Variants in TMEM205 observed in about 807,000 individuals in gnomAD.
TMEM205 encodes the protein MBC3205.
In TMEM205, 11 loss-of-function variants were observed where a neutral mutation model predicts 17.9. The ratio of observed to expected loss-of-function variants is 0.61; its 90% confidence interval spans 0.39 to 1.02. The LOEUF is 1.02. Ranked by LOEUF, TMEM205 falls within the 50% of genes least tolerant of loss-of-function variation. The probability of loss-of-function intolerance (pLI) is 0.01; values close to 1 mark genes in which losing one functional copy is unlikely to be tolerated. For synonymous variants in TMEM205, 86 were observed against 97.4 expected (o/e 0.88, Z 0.69); for missense variants, 236 against 239.4 (o/e 0.99, Z 0.09).
In TMEM205 at chr19:11,345,543, T is replaced by G; in HGVS notation, c.77A>C (p.Gln26Pro). 6.2e-7 allele frequency: 1 copy of G among 1,614,110 alleles called. No individual in the cohort carries two copies. The highest frequency in any genetic ancestry group is 8.5e-7 in the Non-Finnish European group (1 of 1,180,010). The change falls in exon 1 of 3, where the codon CAA (glutamine) becomes CCA (proline). Residue 26 changes from glutamine to proline, a missense_variant. Coordinates refer to ENST00000354882, the MANE Select transcript of TMEM205 (RefSeq NM_198536.3). Reference sequence around the variant, plus strand: ...ACCTGAGACGAAGGTCACCCACATTTGCATGCCCCAGGCACCTGACAAGAC... The same window carrying G: ...ACCTGAGACGAAGGTCACCCACATTGGCATGCCCCAGGCACCTGACAAGAC... ...LLVLSGAWGM[Q>P]MWVTFVSGFL...
Position 11,345,641 on chromosome 19 carries a change from C to T in TMEM205, c.-22G>A. Reference sequence around the variant, plus strand: ...CCATCTTGCAGTCCTGGGAAGGAGGCACCGGGTGGCTCAGAACTTTACCTT... The same window carrying T: ...CCATCTTGCAGTCCTGGGAAGGAGGTACCGGGTGGCTCAGAACTTTACCTT... On this transcript the variant is annotated 5_prime_UTR_variant, in exon 1 of 3. Transcript: ENST00000354882. 1 of 1,613,414 alleles carries T rather than the reference C, an allele frequency of 6.2e-7. No homozygotes were observed. Among genetic ancestry groups the T allele is most frequent in the Non-Finnish European group, 8.5e-7 (1 of 1,179,764 alleles).
Position 11,343,089 on chromosome 19 carries a change from G to A in TMEM205, c.296C>T (p.Ala99Val), listed in dbSNP as rs139646413. The A allele has an allele frequency of 6.2e-7, 1 of 1,613,474 alleles. No individual in the cohort carries two copies. The highest frequency in any genetic ancestry group is 1.3e-5 in the African/African-American group (1 of 75,030). Residue 99 changes from alanine to valine, a missense_variant, in exon 3 of 3, where the codon GCC becomes GTC. Transcript: ENST00000354882. ...LYLLFLSLTL[A>V]TVNARWLEPR... ...TTCCAGCCAGCGGGCGTTGACAGTG[G>A]CCAGCGTAAGGCTCAGGAACAGCAG... is the stretch of plus-strand genomic sequence containing the variant.
intron 2 of TMEM205, 87 bp downstream of exon 2, chr19:11,345,165 C>T (rs966023465): frequency 5.9e-5 from 75 of 1,279,032 alleles, no homozygotes; most frequent in Admixed American, 9.8e-5. Flanking sequence ...CTTTTTTTTT[C>T]CCCCCCTGGA....
At position 11,343,095 on chromosome 19, in the gene TMEM205, G is replaced by A. The variant is rs201767859; in HGVS notation, c.290C>T (p.Thr97Met). The change falls in exon 3 of 3, where the codon ACG becomes ATG. Residue 97 changes from threonine (T) to methionine (M), a missense_variant. Physicochemically the swap from Thr to Met is moderately conservative, Grantham distance 81. Coordinates refer to ENST00000354882, the MANE Select transcript of TMEM205 (RefSeq NM_198536.3). ...SQLYLLFLSL[T>M]LATVNARWLE... ...CCAGCGGGCGTTGACAGTGGCCAGC[G>A]TAAGGCTCAGGAACAGCAGGTAAAG... The A allele has an allele frequency of 7.7e-5, 124 of 1,612,522 alleles. No individual in the cohort carries two copies. Among genetic ancestry groups the A allele is most frequent in the Admixed American group, 5.2e-4 (31 of 59,952 alleles).
At position 11,345,590 on chromosome 19, in the gene TMEM205, C is replaced by G; in HGVS notation, c.30G>C (p.Leu10=). 6.2e-7 allele frequency: 1 copy of G among 1,614,044 alleles called. No homozygotes were observed. Among genetic ancestry groups the G allele is most frequent in the South Asian group, 1.1e-5 (1 of 91,086 alleles). MEEGGNLGG[L]IKMVHLLVLS... is the part of the protein sequence containing the mutation. ...AGACCAGTAGATGGACCATCTTAAT[C>G]AGGCCTCCTAGGTTCCCGCCTTCCT... Residue 10 remains leucine (L), a synonymous_variant, in exon 1 of 3, where the codon CTG becomes CTC. Coordinates refer to ENST00000354882, the MANE Select transcript of TMEM205 (RefSeq NM_198536.3).
At chr19:11,343,232 G>A (rs1568304957) in intron 2 of TMEM205, 112 bp from the exon 3 acceptor site, 1 of 1,162,416 alleles carries the variant, frequency 8.6e-7, no homozygotes, top group Non-Finnish European at 1.2e-6. Context: ...GGACAGCACT[G>A]GATCAAAAAA....
In TMEM205 at chr19:11,342,955, G is replaced by C. The variant is rs981627228; in HGVS notation, c.430C>G (p.Arg144Gly). The change falls in exon 3 of 3, where the codon CGA becomes GGA. Residue 144 changes from arginine to glycine, a missense_variant. By Grantham distance (125) the Arg-to-Gly change is moderately radical. Coordinates refer to ENST00000354882, the MANE Select transcript of TMEM205 (RefSeq NM_198536.3). ...GCACTGTACTTGGGGTCCTTCTCTC[G>C]CAGCTGGCGGTAGGGATCGGGACCC... ...HQGPDPYRQL[R>G]EKDPKYSALR... The C allele has an allele frequency of 6.2e-7, 1 of 1,614,054 alleles. No individual in the cohort carries two copies. The highest frequency in any genetic ancestry group is 8.5e-7 in the Non-Finnish European group (1 of 1,180,032).
intron 2 of TMEM205, 97 bp downstream of exon 2, chr19:11,345,155 C>CT (rs576069019): frequency 5.6e-4 from 754 of 1,340,492 alleles, no homozygotes; most frequent in Non-Finnish European, 6.3e-4. Flanking sequence ...CATGCCTAGC[C>CT]TTTTTTTTTC....
rs1967172140 is a variant in TMEM205 at position 11,345,571 on chromosome 19, G to T, written c.49C>A (p.Leu17Met). 3.7e-6 allele frequency: 6 copies of T among 1,614,114 alleles called. No individual in the cohort carries two copies. In the East Asian group the frequency reaches 1.3e-4, roughly 36 times the overall value. Residue 17 changes from leucine to methionine, a missense_variant, in exon 1 of 3, where the codon CTG (leucine) becomes ATG (methionine). Leu to Met is a conservative substitution (Grantham distance 15). Coordinates refer to ENST00000354882, the MANE Select transcript of TMEM205 (RefSeq NM_198536.3). Reference protein sequence around the residue: ...LGGLIKMVHLLVLSGAWGMQM... With the variant: ...LGGLIKMVHLMVLSGAWGMQM... ...ATGCCCCAGGCACCTGACAAGACCA[G>T]TAGATGGACCATCTTAATCAGGCCT...
At chr19:11,345,496 G>C (rs756433061) in intron 1 of TMEM205, 24 bp downstream of exon 1, 1 of 1,613,976 alleles carries the variant, frequency 6.2e-7, no homozygotes, top group South Asian at 1.1e-5. Flanking sequence ...AGGTACCCAT[G>C]ACATCCAAGC....
At position 11,345,164 on chromosome 19, in the gene TMEM205, T is replaced by TCC. The variant is rs905156209; in HGVS notation, c.264+86_264+87dup. 15 of 1,398,462 alleles carry TCC rather than the reference T, an allele frequency of 1.1e-5. No individual in the cohort carries two copies. In the Admixed American group the frequency reaches 2.9e-4, roughly 27 times the overall value. The allele number at this position is 1,398,462 out of a possible 1,614,324, so 86.6% of individuals were successfully genotyped here. On this transcript the variant is annotated intron_variant, in intron 2 of 2. Transcript: ENST00000354882. ...AGCCACCATGCCTAGCCTTTTTTTT[T>TCC]CCCCCCCTGGAAAAGGTGTAGCCAT...
upstream of TMEM205, chr19:11,346,383 G>A (rs757332580): frequency 6.2e-5 from 38 of 615,722 alleles, no homozygotes; most frequent in Non-Finnish European, 9.7e-5. Context: ...AACCCCCCTG[G>A]GATCCCGCCC....
At chr19:11,344,289 A>AAT (rs1967057286) in intron 2 of TMEM205, among the ~76,000 whole-genome samples, 1 of 152,054 alleles carries the variant, frequency 6.6e-6, no homozygotes, top group African/African-American at 2.4e-5. Flanking sequence ...TCACATTGCT[A>AAT]TAACACCATC....
upstream of TMEM205, chr19:11,346,342 C>A (rs1967230792): frequency 7.2e-6 from 4 of 557,250 alleles, no homozygotes; most frequent in Admixed American, 1.1e-4. Context: ...ACCTTTCTAT[C>A]CCGCCCTCCT....
intron 2 of TMEM205, among the ~76,000 whole-genome samples, chr19:11,344,089 C>A (rs1023004065): frequency 2.0e-5 from 3 of 151,632 alleles, no homozygotes; most frequent in Non-Finnish European, 4.4e-5. Flanking sequence ...GGATTACAGG[C>A]GCACACCACC....
At chr19:11,346,441 G>T, upstream of TMEM205, 1 of 782,820 alleles carries the variant, frequency 1.3e-6, no homozygotes. Flanking sequence ...AAGCGCAGCT[G>T]AAGCGTGAAG....
chr19:11,346,269 C>T (rs1967227018), upstream of TMEM205: 1 of 405,002 alleles, frequency 2.5e-6, no homozygotes, highest in African/African-American at 2.1e-5. Flanking sequence ...CGTGGGTTTC[C>T]CCCAACCAAT....
In TMEM205 at chr19:11,342,877, C is replaced by A. The variant is rs761535953; in HGVS notation, c.508G>T (p.Gly170Cys). ...YHGLSSLCNL[G>C]CVLSNGLCLA... ...CAGAGCCCATTGCTCAGGACGCAGC[C>A]CAGATTGCAAAGAGAGGACAGCCCA... is the stretch of plus-strand genomic sequence containing the variant. The change falls in exon 3 of 3, where the codon GGC (glycine) becomes TGC (cysteine). Residue 170 changes from glycine (G) to cysteine (C), a missense_variant. Transcript: ENST00000354882. 2.5e-6 allele frequency: 4 copies of A among 1,614,086 alleles called. No homozygotes were observed. Among genetic ancestry groups the A allele is most frequent in the Non-Finnish European group, 1.7e-6 (2 of 1,180,048 alleles).
At chr19:11,343,361 C>G (rs1305934534) in intron 2 of TMEM205, among the ~76,000 whole-genome samples, 4 of 152,192 alleles carry the variant, frequency 2.6e-5, no homozygotes, top group Non-Finnish European at 5.9e-5. Flanking sequence ...CTCTATCCCC[C>G]CGCAAAACCT....
Sources: allele counts gnomAD v4.1 joint callset (sites outside exome capture counted in the v4.1 genomes callset), GRCh38; gene constraint gnomAD v4.1.1; transcripts MANE v1.5; gene names NCBI Gene and HGNC (gene_info 2026-07-23, HGNC 2026-07-21).